The following TRANK1 variants were observed in gnomAD, a reference collection of about 807,000 sequenced individuals.
TRANK1 encodes the protein TPR and ankyrin repeat-containing protein 1.
TRANK1 carries 198 observed loss-of-function variants against 266.0 expected under a neutral mutation model. The observed-to-expected ratio is 0.74, with a 90% CI of 0.66 to 0.84. The LOEUF is 0.84. Ranked by LOEUF, TRANK1 falls within the 40% of genes least tolerant of loss-of-function variation. The pLI is 0.00. For synonymous variants in TRANK1, 1,396 were observed against 1,384.1 expected, an observed-to-expected ratio of 1.01 and a Z score of -0.19; for missense variants, 3,326 against 3,634.6, an observed-to-expected ratio of 0.92 and a Z score of 2.18.
chr3:36,836,801 T>C (rs961569572), intron 20 of TRANK1, among the ~76,000 whole-genome samples: 33 of 152,224 alleles, frequency 2.2e-4, no homozygotes, highest in African/African-American at 6.8e-4. Flanking sequence ...ACCACCACCA[T>C]GGTAGTCCAG....
chr3:36,892,886 T>TATATAG lies in TRANK1; in HGVS notation c.636+14_636+15insCTATAT. On this transcript the variant is annotated intron_variant, in intron 6 of 23. Coordinates refer to ENST00000645898, the MANE Select transcript of TRANK1 (RefSeq NM_001329998.2). ...ATATATATATAGATATATATAGATATATATATCACCTTACCTCAAAGAGAC... is the reference window on the plus strand; with the variant it reads ...ATATATATATAGATATATATAGATATATATAGATATATCACCTTACCTCAAAGAGAC... 3.5e-6 allele frequency: 4 copies of TATATAG among 1,142,876 alleles called. No individual in the cohort carries two copies. In the African/African-American group the frequency reaches 6.4e-5, roughly 18 times the overall value. The allele number at this position is 1,142,876 out of a possible 1,614,324, so 70.8% of individuals were successfully genotyped here.
intron 1 of TRANK1, among the ~76,000 whole-genome samples, chr3:36,921,452 A>T (rs567170759): frequency 6.6e-6 from 1 of 152,346 alleles, no homozygotes; most frequent in South Asian, 2.1e-4. Flanking sequence ...TAACATTCTC[A>T]CAGAATCAGA....
chr3:36,881,828 A>G (rs186998259), intron 8 of TRANK1, among the ~76,000 whole-genome samples: 54 of 152,250 alleles, frequency 3.5e-4, no homozygotes, highest in African/African-American at 1.2e-3. Flanking sequence ...CGGACATTTC[A>G]TATCAACGGA....
At chr3:36,914,130 GTTTTGT>G (rs1190633019) in intron 1 of TRANK1, among the ~76,000 whole-genome samples, 1 of 151,578 alleles carries the variant, frequency 6.6e-6, no homozygotes, top group Non-Finnish European at 1.5e-5. Flanking sequence ...TTTTGGGTTT[GTTTTGT>G]TTTTGTTTTT....
At chr3:36,919,249 C>T (rs186723189) in intron 1 of TRANK1, among the ~76,000 whole-genome samples, 107 of 152,316 alleles carry the variant, frequency 7.0e-4, no homozygotes, top group Non-Finnish European at 1.0e-3. Context: ...TAACTCCCAC[C>T]TGGGTGAATA....
intron 8 of TRANK1, among the ~76,000 whole-genome samples, chr3:36,887,457 G>A (rs570487091): frequency 1.6e-4 from 24 of 151,950 alleles, no homozygotes; most frequent in African/African-American, 4.8e-4. Context: ...ATATAATAAC[G>A]TCCCACCACA....
intron 17 of TRANK1, among the ~76,000 whole-genome samples, chr3:36,844,823 A>C (rs1296931432): frequency 1.3e-5 from 2 of 152,140 alleles, no homozygotes; most frequent in Non-Finnish European, 1.5e-5. Context: ...TAGCCTCCAA[A>C]CTGGCTGAGG....
chr3:36,891,375 A>G (rs554131415), intron 7 of TRANK1, among the ~76,000 whole-genome samples: 1 of 152,268 alleles, frequency 6.6e-6, no homozygotes, highest in Admixed American at 6.5e-5. Flanking sequence ...TCCCCACTAT[A>G]TGAAATGAAT....
rs1305887230 is a variant in TRANK1 at position 36,879,550 on chromosome 3, CTATATAAA to C, written c.908-5262_908-5255del. ...AGACCCAGATTTTGTATAAATATAT[CTATATAAA>C]TATATAAATATATAAATATATATAA... On this transcript the variant is annotated intron_variant, in intron 8 of 23. Transcript: ENST00000645898. Among the ~76,000 whole-genome samples, 107 of 70,034 alleles carry C rather than the reference CTATATAAA, an allele frequency of 1.5e-3. 9 individuals carry two copies. The highest frequency in any genetic ancestry group is 3.0e-3 in the Non-Finnish European group (90 of 29,920). The allele number at this position is 70,034 out of a possible 152,430, so 45.9% of individuals were successfully genotyped here. A position where few individuals can be genotyped will look rare whatever the true frequency, so the allele number is the denominator to read the frequency against.
At chr3:36,848,919 G>C (rs2078950198) in intron 15 of TRANK1, among the ~76,000 whole-genome samples, 1 of 152,172 alleles carries the variant, frequency 6.6e-6, no homozygotes, top group Non-Finnish European at 1.5e-5. Flanking sequence ...TAAAACAGCT[G>C]TAAGAGAAGC....
chr3:36,863,578 C>T (rs1455426619), intron 10 of TRANK1, among the ~76,000 whole-genome samples: 1 of 152,218 alleles, frequency 6.6e-6, no homozygotes, highest in African/African-American at 2.4e-5. Context: ...CGAGTACTAG[C>T]ATTTTATGTG....
At chr3:36,866,052 A>AAAAGAAAGAAAGAAAGAAAG (rs56714482) in intron 9 of TRANK1, among the ~76,000 whole-genome samples, 38 of 127,756 alleles carry the variant, frequency 3.0e-4, no homozygotes, top group East Asian at 4.7e-4. Context: ...GACAGAAAGA[A>AAAAGAAAGAAAGAAAGAAAG]AAAGAAAGAA....
intron 20 of TRANK1, among the ~76,000 whole-genome samples, chr3:36,835,598 T>G (rs2078761388): frequency 6.6e-6 from 1 of 152,138 alleles, no homozygotes; most frequent in African/African-American, 2.4e-5. Flanking sequence ...GGAGAAAAAC[T>G]GATGGATCAA....
intron 1 of TRANK1, among the ~76,000 whole-genome samples, chr3:36,932,984 C>T (rs1282207352): frequency 6.6e-6 from 1 of 152,102 alleles, no homozygotes; most frequent in East Asian, 1.9e-4. Flanking sequence ...TTGATCAATC[C>T]TTTATTCTTT....
chr3:36,932,842 A>G (rs934915047), intron 1 of TRANK1, among the ~76,000 whole-genome samples: 17 of 152,206 alleles, frequency 1.1e-4, no homozygotes, highest in Non-Finnish European at 1.9e-4. Context: ...GTTTTAGGTC[A>G]GCTAATTTGT....
intron 10 of TRANK1, among the ~76,000 whole-genome samples, chr3:36,863,908 T>C (rs1299237346): frequency 6.6e-6 from 1 of 152,234 alleles, no homozygotes; most frequent in African/African-American, 2.4e-5. Flanking sequence ...TCTTCCCAAA[T>C]TATTTAAATT....
At chr3:36,880,272 A>G in intron 8 of TRANK1, 1 of 347,610 alleles carries the variant, frequency 2.9e-6, no homozygotes. Flanking sequence ...CTCTTTTGCC[A>G]GCATCAAGTT....
chr3:36,896,091 A>C (rs2079786021), intron 4 of TRANK1, among the ~76,000 whole-genome samples: 1 of 152,248 alleles, frequency 6.6e-6, no homozygotes, highest in African/African-American at 2.4e-5. Flanking sequence ...AGAGGAGGAA[A>C]TGGAAGCTTA....
In TRANK1 at chr3:36,944,954, G is replaced by A. The variant is rs939465604; in HGVS notation, c.-145C>T. On this transcript the variant is annotated 5_prime_UTR_variant, in exon 1 of 24. Coordinates refer to ENST00000645898, the MANE Select transcript of TRANK1 (RefSeq NM_001329998.2). ...CGCGATGCAGAGGCGGCGTTCGGGG[G>A]CCCCCAGCTGCCTGCGGCTCGGCTA... The A allele has an allele frequency of 2.2e-5, 16 of 742,178 alleles. No individual in the cohort carries two copies. Among genetic ancestry groups the A allele is most frequent in the South Asian group, 2.8e-5 (1 of 35,612 alleles). 46.0% of individuals were successfully genotyped at this position (742,178 alleles called of 1,614,324 possible).
Sources: gnomAD v4.1 joint callset for allele counts (sites outside exome capture counted in the v4.1 genomes callset) on GRCh38, gnomAD v4.1.1 for gene constraint, MANE v1.5 for transcripts, NCBI Gene and HGNC (gene_info 2026-07-23, HGNC 2026-07-21) for gene names.